The following ZNF185 variants were observed in gnomAD, a reference collection of about 807,000 sequenced individuals.
ZNF185 encodes zinc finger protein 185.
Under a neutral mutation model 58.6 loss-of-function variants are expected in ZNF185, and 56 were observed. The observed-to-expected ratio is 0.95, with a 90% CI of 0.77 to 1.19. The LOEUF is 1.19. Among genes scored for constraint, ZNF185 ranks in the 50% most tolerant of loss-of-function variants. ZNF185 has a pLI of 0.00. For synonymous variants in ZNF185, 230 were observed against 215.9 expected (o/e 1.07, Z -0.57); for missense variants, 627 against 573.5 (o/e 1.09, Z -0.95).
intron 12 of ZNF185, among the ~76,000 whole-genome samples, chrX:152,928,912 C>G (rs1397757595): frequency 8.8e-6 from 1 of 113,077 alleles, no homozygotes; most frequent in Non-Finnish European, 1.9e-5. Flanking sequence ...GAACAGGACC[C>G]CCTGGCTGGA....
intron 15 of ZNF185, chrX:152,941,643 C>T: frequency 5.2e-6 from 6 of 1,151,184 alleles, no homozygotes; most frequent in Non-Finnish European, 5.8e-6. Flanking sequence ...CGTAGGCCGC[C>T]ATTTCTTGAA....
intron 15 of ZNF185, chrX:152,941,718 C>T: frequency 1.7e-6 from 2 of 1,164,412 alleles, no homozygotes; most frequent in Non-Finnish European, 2.3e-6. Flanking sequence ...AATGGCCGCC[C>T]GGGACGAGCT....
chrX:152,944,476 C>T (rs781978501), intron 15 of ZNF185, among the ~76,000 whole-genome samples: 4 of 112,114 alleles, frequency 3.6e-5, no homozygotes, highest in Admixed American at 2.8e-4. Flanking sequence ...TGGTGTTTGC[C>T]CCTGGCCTAG....
At chrX:152,940,628 A>G (rs782089143) in intron 15 of ZNF185, among the ~76,000 whole-genome samples, 8 of 111,845 alleles carry the variant, frequency 7.2e-5, no homozygotes, top group Admixed American at 1.9e-4. Context: ...TAGATGGCCA[A>G]TGTTTCTTAT....
chrX:152,956,996 A>G (rs1301063574), intron 16 of ZNF185, among the ~76,000 whole-genome samples: 1 of 111,845 alleles, frequency 8.9e-6, no homozygotes, highest in African/African-American at 3.3e-5. Context: ...TTTTATGTCC[A>G]TGTTCAATTT....
At chrX:152,921,359 A>C (rs182279083) in intron 9 of ZNF185, among the ~76,000 whole-genome samples, 2 of 111,307 alleles carry the variant, frequency 1.8e-5, no homozygotes, top group Non-Finnish European at 3.8e-5. Context: ...TGAGGTGGCT[A>C]GCTGGGGACT....
At chrX:152,915,871 C>T (rs1224762852) in intron 3 of ZNF185, among the ~76,000 whole-genome samples, 2 of 112,100 alleles carry the variant, frequency 1.8e-5, no homozygotes. Context: ...TCCAAACAGC[C>T]GGCAGGCGGC....
At chrX:152,924,847 G>C (rs1940543509) in intron 11 of ZNF185, among the ~76,000 whole-genome samples, 1 of 112,027 alleles carries the variant, frequency 8.9e-6, no homozygotes, top group African/African-American at 3.2e-5. Flanking sequence ...ACCACGCCCG[G>C]CTAATTTTTG....
exon 23 of ZNF185, chrX:152,971,945 A>T (rs1416672476): frequency 8.9e-6 from 1 of 112,016 alleles, no homozygotes; most frequent in Non-Finnish European, 1.9e-5. Context: ...TTAGGATGCT[A>T]CTGATCAAAG....
chrX:152,970,246 GA>G (rs781850680), intron 21 of ZNF185, among the ~76,000 whole-genome samples, 196 bp from the exon 24 acceptor site: 3 of 110,008 alleles, frequency 2.7e-5, no homozygotes, highest in South Asian at 3.9e-4. Flanking sequence ...ACTCCCTACT[GA>G]AAAAAAAGGC....
intron 16 of ZNF185, among the ~76,000 whole-genome samples, chrX:152,953,511 C>G (rs1407978720): frequency 9.0e-6 from 1 of 111,209 alleles, no homozygotes; most frequent in African/African-American, 3.3e-5. Context: ...GCCTGGGTAA[C>G]ATAGCGAGAC....
At chrX:152,956,696 G>A (rs1366533428) in intron 16 of ZNF185, among the ~76,000 whole-genome samples, 1 of 112,393 alleles carries the variant, frequency 8.9e-6, no homozygotes, top group Non-Finnish European at 1.9e-5. Context: ...CAGAGATCAT[G>A]CCATTGCACT....
the ZNF185 span, among the ~76,000 whole-genome samples, chrX:152,899,917 G>A: frequency 9.0e-6 from 1 of 111,721 alleles, no homozygotes; most frequent in African/African-American, 3.3e-5. Context: ...GCATATGGGG[G>A]CCCACAGAGA....
chrX:152,936,628 C>G, intron 14 of ZNF185, 115 bp downstream of exon 16: 1 of 611,881 alleles, frequency 1.6e-6, no homozygotes, highest in Non-Finnish European at 2.5e-6. Flanking sequence ...CTCCATGCCA[C>G]TTTCACATCA....
At chrX:152,943,422 T>C (rs1017889507) in intron 15 of ZNF185, among the ~76,000 whole-genome samples, 4 of 112,339 alleles carry the variant, frequency 3.6e-5, no homozygotes, top group Admixed American at 2.8e-4. Flanking sequence ...TTCAGAGAAA[T>C]TAATCCAAAA....
chrX:152,899,690 C>T, the ZNF185 span, among the ~76,000 whole-genome samples: 1 of 112,025 alleles, frequency 8.9e-6, no homozygotes, highest in Non-Finnish European at 1.9e-5. Flanking sequence ...GTTGCAGCTC[C>T]GAGTAGCATG....
intron 11 of ZNF185, among the ~76,000 whole-genome samples, chrX:152,925,876 C>T (rs1267809417): frequency 1.8e-5 from 2 of 112,514 alleles, no homozygotes; most frequent in Admixed American, 9.3e-5. Context: ...TCTCCCCACC[C>T]CCTGCCCTGC....
At chrX:152,904,731 AG>A in the ZNF185 span, among the ~76,000 whole-genome samples, 1 of 111,713 alleles carries the variant, frequency 9.0e-6, no homozygotes, top group Non-Finnish European at 1.9e-5. Flanking sequence ...GGCAGCCTCC[AG>A]GGGGAGTCTG....
the ZNF185 span, among the ~76,000 whole-genome samples, chrX:152,899,373 G>T: frequency 8.8e-6 from 1 of 113,076 alleles, no homozygotes; most frequent in African/African-American, 3.2e-5. Flanking sequence ...CAGCTCAGAG[G>T]CCAGCAAGTG....
Sources: allele counts gnomAD v4.1 joint callset (sites outside exome capture counted in the v4.1 genomes callset), GRCh38; gene constraint gnomAD v4.1.1; transcripts MANE v1.5; gene names NCBI Gene and HGNC (gene_info 2026-07-23, HGNC 2026-07-21).